Variants in NRAP observed in about 807,000 individuals in gnomAD.
NRAP encodes the protein nebulin related anchoring protein.
NRAP carries 189 observed loss-of-function variants against 225.9 expected under a neutral mutation model. The observed-to-expected ratio is 0.84, with a 90% CI of 0.74 to 0.94. NRAP has a LOEUF of 0.94. Among genes scored for constraint, NRAP ranks in the 40% least tolerant of loss-of-function variants. The pLI, the probability that NRAP is intolerant of heterozygous loss-of-function variation, is 0.00. For missense variants in NRAP, 2,176 were observed against 2,168.7 expected, an observed-to-expected ratio of 1.00 and a Z score of -0.07; for synonymous variants, 769 against 790.7, an observed-to-expected ratio of 0.97 and a Z score of 0.46.
At chr10:113,630,484 G>A (rs772402273) in intron 18 of NRAP, among the ~76,000 whole-genome samples, 15 of 152,144 alleles carry the variant, frequency 9.9e-5, no homozygotes, top group Admixed American at 3.3e-4. Flanking sequence ...GGTGACGATG[G>A]TAGTGCTGAT....
intron 20 of NRAP, among the ~76,000 whole-genome samples, chr10:113,626,563 T>C (rs748772480): frequency 4.6e-5 from 7 of 152,126 alleles, no homozygotes; most frequent in African/African-American, 7.2e-5. Flanking sequence ...GAGCCACCCT[T>C]GCTTGGAGTG....
intron 38 of NRAP, among the ~76,000 whole-genome samples, chr10:113,593,887 C>A (rs767296572): frequency 3.3e-5 from 5 of 152,254 alleles, no homozygotes; most frequent in Non-Finnish European, 7.3e-5. Flanking sequence ...GTCCAATGCA[C>A]CCCAGCTTCT....
At position 113,653,013 on chromosome 10, in the gene NRAP, G is replaced by C. The variant is rs149492667; in HGVS notation, c.492C>G (p.Pro164=). 340 of 1,611,738 alleles carry C rather than the reference G, an allele frequency of 2.1e-4. No homozygotes were observed. The highest frequency in any genetic ancestry group is 1.0e-4 in the Admixed American group (6 of 59,452). Reference sequence around the variant, plus strand: ...TGGCTGGAAAGCTCCCCTTGCCCCTGGGTTGCTCATAGTCTTCTGTATATT... The same window carrying C: ...TGGCTGGAAAGCTCCCCTTGCCCCTCGGTTGCTCATAGTCTTCTGTATATT... The part of the protein sequence containing the change: ...GEEYTEDYEQ[P]RGKGSFPAMI... Residue 164 remains proline, a synonymous_variant, in exon 6 of 42, where the codon CCC becomes CCG. Coordinates refer to ENST00000359988, the MANE Select transcript of NRAP (RefSeq NM_198060.4).
chr10:113,631,059 G>A (rs1848547174), intron 18 of NRAP, among the ~76,000 whole-genome samples: 1 of 152,156 alleles, frequency 6.6e-6, no homozygotes, highest in African/African-American at 2.4e-5. Context: ...TGGAGCCTGG[G>A]AGGCCCCAGC....
At chr10:113,652,189 C>T (rs150875244) in intron 6 of NRAP, among the ~76,000 whole-genome samples, 216 of 152,192 alleles carry the variant, frequency 1.4e-3, no homozygotes, top group African/African-American at 4.5e-3. Flanking sequence ...ACTTTACAAA[C>T]GAGAAGCCAA....
intron 22 of NRAP, among the ~76,000 whole-genome samples, 162 bp downstream of exon 22, chr10:113,624,664 T>C (rs1273351263): frequency 6.6e-6 from 1 of 152,146 alleles, no homozygotes; most frequent in Non-Finnish European, 1.5e-5. Flanking sequence ...CCTAAAACAC[T>C]GATCAGGAGC....
At chr10:113,611,695 G>T (rs915823550) in intron 30 of NRAP, among the ~76,000 whole-genome samples, 11 of 152,178 alleles carry the variant, frequency 7.2e-5, no homozygotes, top group Non-Finnish European at 1.6e-4. Context: ...GACAGGTTCT[G>T]AGCAGCCTCT....
intron 31 of NRAP, among the ~76,000 whole-genome samples, chr10:113,608,996 T>C (rs1393740248): frequency 2.0e-5 from 3 of 152,002 alleles, no homozygotes; most frequent in Non-Finnish European, 4.4e-5. Flanking sequence ...CTGTCTCTAC[T>C]AAAAAATACA....
rs370051920 is a variant in NRAP at position 113,604,810 on chromosome 10, G to C, written c.4026C>G (p.Ser1342Arg). 2 of 1,614,148 alleles carry C rather than the reference G, an allele frequency of 1.2e-6. No individual in the cohort carries two copies. The highest frequency in any genetic ancestry group is 1.7e-6 in the Non-Finnish European group (2 of 1,180,014). ...QHCRRMGQLQ[S>R]ELQYRRGATS... ...TCGCCCCCCTCCTGTACTGAAGCTC[G>C]CTCTGCAGCTGGCCCATGCGCCGGC... Residue 1342 changes from serine to arginine, a missense_variant, in exon 35 of 42, where the codon AGC becomes AGG. Transcript: ENST00000359988.
At chr10:113,613,912 G>C (rs1322858350) in intron 29 of NRAP, among the ~76,000 whole-genome samples, 1 of 152,108 alleles carries the variant, frequency 6.6e-6, no homozygotes, top group African/African-American at 2.4e-5. Flanking sequence ...CCAGCCCAGG[G>C]TCAAATCCAG....
chr10:113,607,700 A>G (rs1847082364), intron 32 of NRAP, among the ~76,000 whole-genome samples: 1 of 152,210 alleles, frequency 6.6e-6, no homozygotes, highest in Non-Finnish European at 1.5e-5. Flanking sequence ...ATCTCAGCTG[A>G]CTTCTATAAG....
At chr10:113,623,071 A>G (rs755435396) in intron 23 of NRAP, among the ~76,000 whole-genome samples, 4 of 152,226 alleles carry the variant, frequency 2.6e-5, no homozygotes, top group Admixed American at 1.3e-4. Flanking sequence ...TTATTTTGCA[A>G]TTACCAATTT....
intron 38 of NRAP, among the ~76,000 whole-genome samples, chr10:113,592,938 T>C (rs530101223): frequency 6.6e-6 from 1 of 152,218 alleles, no homozygotes; most frequent in Non-Finnish European, 1.5e-5. Context: ...TTTTCCCTTT[T>C]CAAGTTGTTC....
chr10:113,649,741 G>A (rs542285231), intron 9 of NRAP, among the ~76,000 whole-genome samples: 5 of 152,212 alleles, frequency 3.3e-5, no homozygotes, highest in East Asian at 1.9e-4. Context: ...TAGTCCTAGC[G>A]ACTGTTCTTC....
chr10:113,589,270 T>C (rs1393410400), intron 41 of NRAP, 191 bp from the exon 42 acceptor site: 6 of 592,904 alleles, frequency 1.0e-5, no homozygotes, highest in Non-Finnish European at 1.5e-5. Flanking sequence ...AAAGCCAATC[T>C]CTCATTTAGA....
intron 30 of NRAP, among the ~76,000 whole-genome samples, chr10:113,611,844 G>A (rs1388411184): frequency 6.6e-6 from 1 of 152,154 alleles, no homozygotes; most frequent in Non-Finnish European, 1.5e-5. Context: ...AACCTTGAGG[G>A]CATCTTTGTC....
intron 1 of NRAP, 70 bp from the exon 2 acceptor site, chr10:113,663,516 A>G (rs1850827253): frequency 2.0e-6 from 2 of 999,934 alleles, no homozygotes; most frequent in African/African-American, 3.3e-5. Context: ...TATATATTTT[A>G]GGGTAAAAAA....
chr10:113,642,862 G>A (rs1424726970), intron 12 of NRAP, 72 bp downstream of exon 12: 1 of 806,926 alleles, frequency 1.2e-6, no homozygotes, highest in African/African-American at 1.7e-5. Flanking sequence ...CCCATAGACT[G>A]TCCCTCTTAG....
At chr10:113,615,358 G>T (rs1448408830) in intron 27 of NRAP, among the ~76,000 whole-genome samples, 1 of 152,128 alleles carries the variant, frequency 6.6e-6, no homozygotes, top group Non-Finnish European at 1.5e-5. Context: ...TTGGAGAGGA[G>T]GAGTTAAGCC....
Sources: gnomAD v4.1 joint callset for allele counts (sites outside exome capture counted in the v4.1 genomes callset) on GRCh38, gnomAD v4.1.1 for gene constraint, MANE v1.5 for transcripts, NCBI Gene and HGNC (gene_info 2026-07-23, HGNC 2026-07-21) for gene names.